Variants in SLC34A1 observed in about 807,000 individuals in gnomAD.
SLC34A1 encodes sodium-dependent phosphate transport protein 2A.
In SLC34A1, 57 loss-of-function variants were observed where a neutral mutation model predicts 51.4. The observed-to-expected ratio is 1.11, with a 90% CI of 0.90 to 1.38. SLC34A1 has a LOEUF of 1.38. Among genes scored for constraint, SLC34A1 ranks in the 40% most tolerant of loss-of-function variants. The pLI is 0.00. For missense variants in SLC34A1, 796 were observed against 835.6 expected (o/e 0.95, Z 0.58); for synonymous variants, 368 against 358.0 (o/e 1.03, Z -0.32).
rs759907707 is a variant in SLC34A1, at chr5:177,386,000, C to T, written c.123C>T (p.Ile41=). ...CTCCCTCCCTAGTCCTACACAGGAT[C>T]CCGGGGACCTCTGCCTATGCCTTCC... ...YVPSPQVLHR[I]PGTSAYAFPS... is the part of the protein sequence containing the mutation. Residue 41 remains isoleucine (I), a synonymous_variant, in exon 3 of 13, where the codon ATC becomes ATT. Coordinates refer to ENST00000324417, the MANE Select transcript of SLC34A1 (RefSeq NM_003052.5). The T allele has an allele frequency of 5.0e-6, 8 of 1,610,430 alleles. No individual in the cohort carries two copies. The highest frequency in any genetic ancestry group is 4.0e-5 in the African/African-American group (3 of 74,884).
chr5:177,392,636 T>C (rs1212518176), intron 8 of SLC34A1, among the ~76,000 whole-genome samples: 1 of 152,178 alleles, frequency 6.6e-6, no homozygotes, highest in East Asian at 1.9e-4. Flanking sequence ...GAGTTTTTCA[T>C]TTTTTGAGAT....
At chr5:177,392,486 A>C (rs906359481) in intron 8 of SLC34A1, among the ~76,000 whole-genome samples, 1 of 152,050 alleles carries the variant, frequency 6.6e-6, no homozygotes, top group African/African-American at 2.4e-5. Context: ...TAAATAAATA[A>C]ATAACTTCTT....
chr5:177,389,826 C>A (rs1762740230), intron 8 of SLC34A1: 2 of 1,514,646 alleles, frequency 1.3e-6, no homozygotes, highest in Non-Finnish European at 1.8e-6. Context: ...TCTGGGGAGG[C>A]CGCCCTTGGG....
Position 177,398,028 on chromosome 5 carries a change from C to T in SLC34A1, c.1662C>T (p.Phe554=), listed in dbSNP as rs375525485. Residue 554 remains phenylalanine, a synonymous_variant, in exon 13 of 13, where the codon TTC becomes TTT. Coordinates refer to ENST00000324417, the MANE Select transcript of SLC34A1 (RefSeq NM_003052.5). This position sits in a 1 kb window ranked among gnomAD's most constrained non-coding sequence, Gnocchi z 4.7. Reference sequence around the variant, plus strand: ...CGCCCTTCGGGGCCCTGCTGGCCTTCGTGGTGCTCATCAATGTCCTGCAGA... The same window carrying T: ...CGCCCTTCGGGGCCCTGCTGGCCTTTGTGGTGCTCATCAATGTCCTGCAGA... ...VGTPFGALLA[F]VVLINVLQSR... 1.7e-5 allele frequency: 27 copies of T among 1,614,016 alleles called. 2 individuals are homozygous for T. The South Asian group carries it at 1.8e-4, about 11-fold the overall frequency.
chr5:177,394,788 G>A (rs918190462), intron 10 of SLC34A1, among the ~76,000 whole-genome samples: 3 of 150,074 alleles, frequency 2.0e-5, no homozygotes, highest in African/African-American at 4.9e-5. Context: ...CCACCTCCAG[G>A]GTTCAAGTGA....
intron 8 of SLC34A1, chr5:177,389,601 G>GTGCT: frequency 6.5e-7 from 1 of 1,537,104 alleles, no homozygotes. Context: ...AGCACTCTTA[G>GTGCT]TGCTCTCTGA....
Position 177,388,040 on chromosome 5 carries a change from G to GTGCTGGTCC in SLC34A1, c.697_705dup (p.Val233_Leu235dup). Reference sequence around the variant, plus strand: ...GCATGACTGCTTTAACTGGCTGTCAGTGCTGGTCCTGCTGCCCCTGGAGGC... The same window carrying GTGCTGGTCC: ...GCATGACTGCTTTAACTGGCTGTCAGTGCTGGTCCTGCTGGTCCTGCTGCCCCTGGAGGC... On this transcript the variant is annotated inframe_insertion, in exon 7 of 13. Coordinates refer to ENST00000324417, the MANE Select transcript of SLC34A1 (RefSeq NM_003052.5). This position sits in a 1 kb window ranked among gnomAD's most constrained non-coding sequence, Gnocchi z 4.3. 1 of 1,614,068 alleles carries GTGCTGGTCC rather than the reference G, an allele frequency of 6.2e-7. No homozygotes were observed.
chr5:177,389,837 C>T lies in SLC34A1; in HGVS notation c.936+1465C>T, dbSNP rs918455987. The T allele has an allele frequency of 1.1e-5, 17 of 1,494,980 alleles. No homozygotes were observed. The Admixed American group carries it at 3.4e-4, about 30-fold the overall frequency. The allele number at this position is 1,494,980 out of a possible 1,614,324, so 92.6% of individuals were successfully genotyped here. A position where few individuals can be genotyped will look rare whatever the true frequency, so the allele number is the denominator to read the frequency against. On this transcript the variant is annotated intron_variant, in intron 8 of 12. Transcript: ENST00000324417. ...TCACTCTGGGGAGGCCGCCCTTGGG[C>T]CTTTCTCTACGGCTGCAGCTGACAC...
chr5:177,387,550 C>G (rs745358741), intron 5 of SLC34A1, among the ~76,000 whole-genome samples: 3 of 152,256 alleles, frequency 2.0e-5, no homozygotes, highest in African/African-American at 7.2e-5. Flanking sequence ...ATGTGCAGCA[C>G]GTGTACATCT....
Position 177,396,764 on chromosome 5 carries a change from C to T in SLC34A1, c.1206C>T (p.Gly402=), listed in dbSNP as rs1039946422. 3.7e-6 allele frequency: 6 copies of T among 1,614,262 alleles called. No individual in the cohort carries two copies. The highest frequency in any genetic ancestry group is 2.2e-5 in the East Asian group (1 of 44,892). ...DFPAPFTWVT[G]YFAMVVGASM... is the part of the protein sequence containing the mutation. The stretch of plus-strand genomic sequence containing the variant: ...CTGCCCCCTTCACCTGGGTCACAGG[C>T]TACTTTGCCATGGTGGTGGGCGCCA... Residue 402 remains glycine (G), a synonymous_variant, in exon 11 of 13, where the codon GGC becomes GGT. Transcript: ENST00000324417. The surrounding 1 kb of genome is among the most constrained non-coding windows in gnomAD (Gnocchi z 4.0).
chr5:177,397,138 C>T, intron 12 of SLC34A1, 64 bp downstream of exon 12: 1 of 1,580,430 alleles, frequency 6.3e-7, no homozygotes, highest in Non-Finnish European at 8.6e-7. Context: ...TGGGGCCTCA[C>T]AAAGGTGTGA....
intron 8 of SLC34A1, chr5:177,390,020 T>A: frequency 4.6e-6 from 6 of 1,309,732 alleles, no homozygotes; most frequent in Non-Finnish European, 5.9e-6. Context: ...CCCGAAGGAG[T>A]GTGACTCACA....
Position 177,387,708 on chromosome 5 carries a change from G to A in SLC34A1, c.533-54G>A. On this transcript the variant is annotated intron_variant, in intron 5 of 12. Coordinates refer to ENST00000324417, the MANE Select transcript of SLC34A1 (RefSeq NM_003052.5). ...TGGGGGGCCTGACAGGAGTTGTGGT[G>A]GTGCAGGAGCTGGGTGACCGTCAAA... 16 of 1,430,788 alleles carry A rather than the reference G, an allele frequency of 1.1e-5. 1 individual carries two copies. The highest frequency in any genetic ancestry group is 3.3e-5 in the Admixed American group (2 of 59,782). 88.6% of individuals were successfully genotyped at this position (1,430,788 alleles called of 1,614,324 possible).
rs1762944402 is a variant in SLC34A1, at chr5:177,396,107, T to C, written c.1175-626T>C. The stretch of plus-strand genomic sequence containing the variant: ...GGTTTTCATTTTAAACTTCATGCAC[T>C]GGGAGGGGCTGCATGACAAGTACTA... On this transcript the variant is annotated intron_variant, in intron 10 of 12. Coordinates refer to ENST00000324417, the MANE Select transcript of SLC34A1 (RefSeq NM_003052.5). This position sits in a 1 kb window ranked among gnomAD's most constrained non-coding sequence, Gnocchi z 4.0. Among the ~76,000 whole-genome samples, 1 of 152,084 alleles carries C rather than the reference T, an allele frequency of 6.6e-6. No individual in the cohort carries two copies. The highest frequency in any genetic ancestry group is 1.5e-5 in the Non-Finnish European group (1 of 67,996).
In SLC34A1 at chr5:177,398,802, C is replaced by A. The variant is rs576803096; in HGVS notation, c.*516C>A. On this transcript the variant is annotated 3_prime_UTR_variant, in exon 13 of 13. Transcript: ENST00000324417. This position sits in a 1 kb window ranked among gnomAD's most constrained non-coding sequence, Gnocchi z 4.7. Reference sequence around the variant, plus strand: ...ACCACAATTAATTCCCTTCCCAACACTTGCCTGATGGAAAAAAAACAAAGG... The same window carrying A: ...ACCACAATTAATTCCCTTCCCAACAATTGCCTGATGGAAAAAAAACAAAGG... 28 of 164,208 alleles carry A rather than the reference C, an allele frequency of 1.7e-4. No individual in the cohort carries two copies. The East Asian group carries it at 4.9e-3, about 29-fold the overall frequency. The allele number at this position is 164,208 out of a possible 1,614,324, so 10.2% of individuals were successfully genotyped here.
intron 8 of SLC34A1, among the ~76,000 whole-genome samples, chr5:177,389,320 C>CCACAG (rs569226393): frequency 2.1e-4 from 32 of 152,222 alleles, no homozygotes; most frequent in South Asian, 6.2e-4. Flanking sequence ...GAAATCCAAG[C>CCACAG]CACAGCACAG....
intron 12 of SLC34A1, 173 bp downstream of exon 12, chr5:177,397,247 T>A: frequency 1.4e-6 from 1 of 717,522 alleles, no homozygotes; most frequent in South Asian, 1.8e-5. Flanking sequence ...CCTCGAGACC[T>A]TAGCATCTAA....
chr5:177,397,714 C>A, intron 12 of SLC34A1, 69 bp from the exon 13 acceptor site: 2 of 1,592,406 alleles, frequency 1.3e-6, no homozygotes, highest in Non-Finnish European at 1.7e-6. Flanking sequence ...CTATCATCTA[C>A]CCCTGCTGGC....
At position 177,388,071 on chromosome 5, in the gene SLC34A1, C is replaced by G; in HGVS notation, c.722C>G (p.Thr241Ser). 2 of 1,614,144 alleles carry G rather than the reference C, an allele frequency of 1.2e-6. No homozygotes were observed. The highest frequency in any genetic ancestry group is 2.2e-5 in the South Asian group (2 of 91,084). The change falls in exon 7 of 13, where the codon ACT becomes AGT. Residue 241 changes from threonine (T) to serine (S), a missense_variant. Thr to Ser is a moderately conservative substitution (Grantham distance 58). Transcript: ENST00000324417. The surrounding 1 kb of genome is among the most constrained non-coding windows in gnomAD (Gnocchi z 4.3). Reference sequence around the variant, plus strand: ...GTCCTGCTGCCCCTGGAGGCTGCCACTGGCTACCTGCACCACATCACTCGA... The same window carrying G: ...GTCCTGCTGCCCCTGGAGGCTGCCAGTGGCTACCTGCACCACATCACTCGA... Reference protein sequence around the residue: ...VLVLLPLEAATGYLHHITRLV... With the variant: ...VLVLLPLEAASGYLHHITRLV...
Sources: gnomAD v4.1 joint callset for allele counts (sites outside exome capture counted in the v4.1 genomes callset) on GRCh38, gnomAD v4.1.1 for gene constraint, Gnocchi (gnomAD v3.1) non-coding constraint, MANE v1.5 for transcripts, NCBI Gene and HGNC (gene_info 2026-07-23, HGNC 2026-07-21) for gene names.